Variants in BTAF1 observed in about 807,000 individuals in gnomAD.
BTAF1 encodes B-TFIID TATA-box binding protein associated factor 1, also known as TATA-binding protein-associated factor 172.
In BTAF1, 38 loss-of-function variants were observed where a neutral mutation model predicts 227.1. The ratio of observed to expected loss-of-function variants is 0.17; its 90% confidence interval spans 0.13 to 0.22. The LOEUF is 0.22. Ranked by LOEUF, BTAF1 falls within the 10% of genes least tolerant of loss-of-function variation. The pLI, the probability that BTAF1 is intolerant of heterozygous loss-of-function variation, is 1.00. For missense variants in BTAF1, 1,598 were observed against 2,204.0 expected (o/e 0.73, Z 5.51); for synonymous variants, 742 against 751.9 (o/e 0.99, Z 0.21).
rs777893676 is a variant in BTAF1 at position 92,011,419 on chromosome 10, ATTAT to A, written c.4311+10_4311+13del. ...TCTTTCTGGAACACCAATCCAGGTAATTATTTATTATTATTTTTTTTAATTATTT... is the reference window on the plus strand; with the variant it reads ...TCTTTCTGGAACACCAATCCAGGTAATTATTATTATTTTTTTTAATTATTT... On this transcript the variant is annotated splice_donor_5th_base_variant and intron_variant, in intron 30 of 37. Coordinates refer to ENST00000265990, the MANE Select transcript of BTAF1 (RefSeq NM_003972.3). 1 of 1,198,168 alleles carries A rather than the reference ATTAT, an allele frequency of 8.3e-7. No homozygotes were observed. Among genetic ancestry groups the A allele is most frequent in the Non-Finnish European group, 1.1e-6 (1 of 918,014 alleles). The allele number at this position is 1,198,168 out of a possible 1,614,324, so 74.2% of individuals were successfully genotyped here. A position where few individuals can be genotyped will look rare whatever the true frequency, so the allele number is the denominator to read the frequency against.
chr10:91,935,248 A>G (rs1388024905), intron 1 of BTAF1: 1 of 155,910 alleles, frequency 6.4e-6, no homozygotes, highest in Non-Finnish European at 1.4e-5. Context: ...TGTGTTGGGA[A>G]CATTCAAAAT....
chr10:92,023,961 C>A (rs895245179), intron 34 of BTAF1, among the ~76,000 whole-genome samples: 1 of 152,160 alleles, frequency 6.6e-6, no homozygotes, highest in Non-Finnish European at 1.5e-5. Context: ...GAACAGAGTT[C>A]AGTAATAGCT....
chr10:91,928,725 C>CT (rs1326285059), intron 1 of BTAF1, among the ~76,000 whole-genome samples: 1 of 151,118 alleles, frequency 6.6e-6, no homozygotes, highest in Non-Finnish European at 1.5e-5. Context: ...GATCGCAGCA[C>CT]TGCACTCCAG....
intron 30 of BTAF1, among the ~76,000 whole-genome samples, chr10:92,013,082 G>A (rs1850481644): frequency 6.6e-6 from 1 of 152,206 alleles, no homozygotes; most frequent in African/African-American, 2.4e-5. Context: ...AGCAGGGTGA[G>A]GAGGGATTCT....
At position 91,994,526 on chromosome 10, in the gene BTAF1, T is replaced by A; in HGVS notation, c.3200-9T>A. The A allele has an allele frequency of 6.3e-7, 1 of 1,592,170 alleles. No individual in the cohort carries two copies. The highest frequency in any genetic ancestry group is 8.6e-7 in the Non-Finnish European group (1 of 1,163,000). On this transcript the variant is annotated splice_polypyrimidine_tract_variant and intron_variant, in intron 22 of 37. Transcript: ENST00000265990. ...TTTGCCAGATAATACAGACAATATA[T>A]TTTAACAGATGGAAAATCCCTCCTG...
At chr10:92,024,595 A>AGT (rs1486476436) in intron 34 of BTAF1, among the ~76,000 whole-genome samples, 161 bp from the exon 35 acceptor site, 1 of 152,204 alleles carries the variant, frequency 6.6e-6, no homozygotes, top group Non-Finnish European at 1.5e-5. Context: ...AAACTAGTTC[A>AGT]GTGTGCTGCA....
Position 91,989,199 on chromosome 10 carries a change from C to T in BTAF1, c.2473C>T (p.Pro825Ser). Residue 825 changes from proline to serine, a missense_variant, in exon 20 of 38, where the codon CCT (proline) becomes TCT (serine). Pro to Ser is a moderately conservative substitution (Grantham distance 74, BLOSUM62 -1). Transcript: ENST00000265990. Reference sequence around the variant, plus strand: ...AGCCACATCATCTTTCGATTTAAATCCTCAAGTGTTACAACAGTTAGATAG... The same window carrying T: ...AGCCACATCATCTTTCGATTTAAATTCTCAAGTGTTACAACAGTTAGATAG... ...NEATSSFDLN[P>S]QVLQQLDSKR... 1 of 1,613,862 alleles carries T rather than the reference C, an allele frequency of 6.2e-7. No individual in the cohort carries two copies. Among genetic ancestry groups the T allele is most frequent in the South Asian group, 1.1e-5 (1 of 91,062 alleles).
intron 1 of BTAF1, 93 bp downstream of exon 1, chr10:91,924,183 C>T: frequency 6.6e-7 from 1 of 1,510,240 alleles, no homozygotes. Context: ...GAGCGGTTCT[C>T]ATTGTCACTG....
In BTAF1 at chr10:91,966,115, A is replaced by G. The variant is rs556546990; in HGVS notation, c.1530-522A>G. Among the ~76,000 whole-genome samples, 4 of 152,274 alleles carry G rather than the reference A, an allele frequency of 2.6e-5. No individual in the cohort carries two copies. In the East Asian group the frequency reaches 7.7e-4, roughly 29 times the overall value. On this transcript the variant is annotated intron_variant, in intron 13 of 37. Transcript: ENST00000265990. ...AGAAGGAAGAAATTTGAGTTTTCCTAACTTAGTAATGCTACACCAGGATAA... is the reference window on the plus strand; with the variant it reads ...AGAAGGAAGAAATTTGAGTTTTCCTGACTTAGTAATGCTACACCAGGATAA...
At chr10:91,938,824 C>A (rs1256768402) in intron 2 of BTAF1, among the ~76,000 whole-genome samples, 2 of 151,982 alleles carry the variant, frequency 1.3e-5, no homozygotes, top group Non-Finnish European at 2.9e-5. Flanking sequence ...TAAGACACTG[C>A]ATTTCAGTCT....
At chr10:92,019,083 G>T (rs563206723) in intron 34 of BTAF1, 148 bp downstream of exon 34, 3 of 803,702 alleles carry the variant, frequency 3.7e-6, no homozygotes, top group South Asian at 3.1e-5. Context: ...GTAAAAATGT[G>T]GTTAAAATAT....
chr10:91,932,562 A>C (rs1230654053), intron 1 of BTAF1, among the ~76,000 whole-genome samples: 3 of 152,210 alleles, frequency 2.0e-5, no homozygotes, highest in African/African-American at 7.2e-5. Flanking sequence ...GTTGTGCGAG[A>C]CAAAAAGAAT....
At chr10:91,946,314 G>A (rs146405002) in intron 4 of BTAF1, among the ~76,000 whole-genome samples, 1 of 152,246 alleles carries the variant, frequency 6.6e-6, no homozygotes, top group Non-Finnish European at 1.5e-5. Flanking sequence ...ACCCAAGATC[G>A]CGCCATTGCA....
chr10:91,968,174 C>A (rs1457593017), intron 14 of BTAF1, among the ~76,000 whole-genome samples: 2 of 152,138 alleles, frequency 1.3e-5, no homozygotes, highest in Non-Finnish European at 2.9e-5. Context: ...TTAACTATCC[C>A]CAAAATCCCC....
At chr10:92,024,656 A>T in intron 34 of BTAF1, 100 bp from the exon 35 acceptor site, 1 of 990,410 alleles carries the variant, frequency 1.0e-6, no homozygotes, top group Non-Finnish European at 1.5e-6. Context: ...GATTTCAGGT[A>T]CATTTAACCT....
At chr10:91,961,292 G>A (rs1846491979) in intron 11 of BTAF1, among the ~76,000 whole-genome samples, 1 of 152,166 alleles carries the variant, frequency 6.6e-6, no homozygotes, top group Non-Finnish European at 1.5e-5. Context: ...CAGGGTGTTA[G>A]GCATTGGCCT....
chr10:92,008,948 T>G lies in BTAF1; in HGVS notation c.3933T>G (p.His1311Gln). 1.1e-5 allele frequency: 18 copies of G among 1,612,904 alleles called. No individual in the cohort carries two copies. The highest frequency in any genetic ancestry group is 1.4e-5 in the Non-Finnish European group (17 of 1,179,592). ...GCATTCTAGCAGGAGATCATTGTCA[T>G]AGGTAATTTAAGATGTTATTTTAAA... ...SICILAGDHC[H>Q]RAQEYARSKL... The change falls in exon 27 of 38, where the codon CAT becomes CAG. Residue 1311 changes from histidine to glutamine, a missense_variant and splice_region_variant. Around this residue, in one of 10 missense-constraint regions of BTAF1, gnomAD observed 184 missense variants for 341.1 expected, o/e 0.54. Coordinates refer to ENST00000265990, the MANE Select transcript of BTAF1 (RefSeq NM_003972.3).
Position 91,984,253 on chromosome 10 carries a change from C to T in BTAF1, c.2276C>T (p.Ser759Leu). The T allele has an allele frequency of 3.1e-6, 5 of 1,613,916 alleles. No individual in the cohort carries two copies. The highest frequency in any genetic ancestry group is 4.2e-6 in the Non-Finnish European group (5 of 1,179,920). The part of the protein sequence containing the change: ...AVQPRLLDIL[S>L]EHLYYDEIAV... ...CAGCCGCGTTTACTTGATATCCTTT[C>T]AGAACATTTATATTATGACGAAATT... The change falls in exon 19 of 38, where the codon TCA becomes TTA. Residue 759 changes from serine to leucine, a missense_variant. Transcript: ENST00000265990.
chr10:91,945,891 A>G (rs559104456), intron 4 of BTAF1, among the ~76,000 whole-genome samples: 1 of 152,270 alleles, frequency 6.6e-6, no homozygotes, highest in East Asian at 1.9e-4. Flanking sequence ...ATCATTTTAC[A>G]TTTCTACCAA....
Sources: allele counts gnomAD v4.1 joint callset (sites outside exome capture counted in the v4.1 genomes callset), GRCh38; gene constraint gnomAD v4.1.1; regional missense constraint gnomAD v4.1.1; transcripts MANE v1.5; gene names NCBI Gene and HGNC (gene_info 2026-07-23, HGNC 2026-07-21).